The following VEPH1 variants were observed in gnomAD, a reference collection of about 807,000 sequenced individuals.
VEPH1 encodes the protein ventricular zone expressed PH domain containing 1.
A neutral mutation model predicts 85.2 loss-of-function variants in VEPH1; 80 were observed. That is an observed-to-expected ratio of 0.94 (90% confidence interval 0.78 to 1.13). The LOEUF (loss-of-function observed/expected upper bound fraction) is 1.13, where lower values mean the gene tolerates loss of function less well. VEPH1 is among the 50% of genes most tolerant of loss of function. VEPH1 has a pLI of 0.00. For synonymous variants in VEPH1, 297 were observed against 348.0 expected (o/e 0.85, Z 1.63); for missense variants, 955 against 980.5 (o/e 0.97, Z 0.35).
At chr3:157,486,064 TA>T (rs1454658788) in intron 2 of VEPH1, among the ~76,000 whole-genome samples, 1 of 152,180 alleles carries the variant, frequency 6.6e-6, no homozygotes, top group Admixed American at 6.5e-5. Context: ...AATGCAAACT[TA>T]TTGAGGATAT....
At chr3:157,303,452 A>T (rs911598361) in intron 11 of VEPH1, among the ~76,000 whole-genome samples, 1 of 152,180 alleles carries the variant, frequency 6.6e-6, no homozygotes, top group Non-Finnish European at 1.5e-5. Flanking sequence ...ACTTAGAGTC[A>T]TATTTACCAT....
intron 4 of VEPH1, among the ~76,000 whole-genome samples, chr3:157,435,848 G>A (rs1338745602): frequency 1.3e-5 from 2 of 152,094 alleles, no homozygotes; most frequent in African/African-American, 2.4e-5. Flanking sequence ...TCCTTGCCTC[G>A]AAACCTTGTA....
chr3:157,336,930 C>G (rs991173250), intron 9 of VEPH1, among the ~76,000 whole-genome samples: 2 of 152,090 alleles, frequency 1.3e-5, no homozygotes, highest in Admixed American at 1.3e-4. Context: ...ACTACTTGGA[C>G]TTTTATATGG....
At chr3:157,272,372 TTCTTTTC>T (rs1714749609) in intron 12 of VEPH1, among the ~76,000 whole-genome samples, 1 of 119,708 alleles carries the variant, frequency 8.4e-6, no homozygotes, top group South Asian at 2.8e-4. Context: ...TTCTTTCTCT[TTCTTTTC>T]TTTCTTTCTT....
intron 11 of VEPH1, among the ~76,000 whole-genome samples, chr3:157,302,525 A>G (rs1416477649): frequency 1.3e-5 from 2 of 152,212 alleles, no homozygotes; most frequent in Non-Finnish European, 1.5e-5. Context: ...CCCTTCAACC[A>G]CGTGAGGACA....
At chr3:157,270,003 G>C (rs963730535) in intron 12 of VEPH1, among the ~76,000 whole-genome samples, 1 of 151,658 alleles carries the variant, frequency 6.6e-6, no homozygotes, top group Non-Finnish European at 1.5e-5. Context: ...TGCTTTGGGA[G>C]GCCGAGACAG....
At chr3:157,389,535 T>C (rs924110956) in intron 6 of VEPH1, among the ~76,000 whole-genome samples, 1 of 152,152 alleles carries the variant, frequency 6.6e-6, no homozygotes, top group Non-Finnish European at 1.5e-5. Context: ...AATACTATAG[T>C]GCTTTCAAAG....
At chr3:157,492,090 C>T (rs1028280812) in intron 2 of VEPH1, among the ~76,000 whole-genome samples, 5 of 152,066 alleles carry the variant, frequency 3.3e-5, no homozygotes, top group African/African-American at 9.7e-5. Flanking sequence ...AAAGTCCACT[C>T]ATATGAGTGG....
chr3:157,385,668 A>G (rs988150552), intron 6 of VEPH1, among the ~76,000 whole-genome samples: 3 of 152,240 alleles, frequency 2.0e-5, no homozygotes, highest in African/African-American at 4.8e-5. Context: ...ATCTGGCCTC[A>G]TAAAGATTTG....
chr3:157,442,396 G>T, intron 4 of VEPH1: 2 of 1,612,872 alleles, frequency 1.2e-6, no homozygotes, highest in South Asian at 1.1e-5. Flanking sequence ...TTCCCAATGC[G>T]TTCCAAGAAG....
chr3:157,336,224 G>C (rs1035249410), intron 9 of VEPH1, among the ~76,000 whole-genome samples: 1 of 152,162 alleles, frequency 6.6e-6, no homozygotes, highest in Non-Finnish European at 1.5e-5. Context: ...TCTTGTCTAA[G>C]TCGTCTGAAT....
chr3:157,370,037 C>T (rs1300322907), intron 7 of VEPH1, among the ~76,000 whole-genome samples: 2 of 152,166 alleles, frequency 1.3e-5, no homozygotes, highest in African/African-American at 4.8e-5. Context: ...CTATAATCCC[C>T]TAAATATTAA....
chr3:157,398,596 TGCATTCCA>T (rs1363817474), intron 6 of VEPH1, among the ~76,000 whole-genome samples: 1 of 150,586 alleles, frequency 6.6e-6, no homozygotes, highest in Non-Finnish European at 1.5e-5. Context: ...ATCACGCCAC[TGCATTCCA>T]GCCTGGCAAC....
In VEPH1 at chr3:157,503,375, C is replaced by G. The variant is rs1740260394; in HGVS notation, c.-256G>C. On this transcript the variant is annotated 5_prime_UTR_variant, in exon 1 of 14. Transcript: ENST00000362010. ...ACCCATGACCATGCTCAGAGGCAGC[C>G]TTGCAGCTGCTGCCCAGTCCTGTGG... is the stretch of plus-strand genomic sequence containing the variant. The G allele has an allele frequency of 6.6e-6, 1 of 152,208 alleles. No individual in the cohort carries two copies. The highest frequency in any genetic ancestry group is 2.4e-5 in the African/African-American group (1 of 41,446). 9.4% of individuals were successfully genotyped at this position (152,208 alleles called of 1,614,324 possible). A position where few individuals can be genotyped will look rare whatever the true frequency, so the allele number is the denominator to read the frequency against.
At chr3:157,463,082 T>C (rs982178288) in intron 3 of VEPH1, among the ~76,000 whole-genome samples, 3 of 152,186 alleles carry the variant, frequency 2.0e-5, no homozygotes, top group Admixed American at 2.0e-4. Context: ...GTAATATCAT[T>C]TGAGCCCAAT....
chr3:157,390,452 CTT>C (rs779696190), intron 6 of VEPH1, among the ~76,000 whole-genome samples: 12 of 152,234 alleles, frequency 7.9e-5, no homozygotes, highest in Admixed American at 3.9e-4. Context: ...GATATTGAAA[CTT>C]GTTTTATTTT....
intron 6 of VEPH1, among the ~76,000 whole-genome samples, chr3:157,403,898 C>G (rs1379241026): frequency 6.6e-6 from 1 of 152,026 alleles, no homozygotes; most frequent in Non-Finnish European, 1.5e-5. Context: ...TCCTCAGGAG[C>G]AGTACTACTT....
At chr3:157,315,447 A>G (rs962692488) in intron 10 of VEPH1, among the ~76,000 whole-genome samples, 3 of 152,122 alleles carry the variant, frequency 2.0e-5, no homozygotes, top group African/African-American at 4.8e-5. Flanking sequence ...TGAATCATCA[A>G]TCTAAACAGG....
chr3:157,493,194 G>T (rs951401970), intron 2 of VEPH1: 2 of 452,106 alleles, frequency 4.4e-6, no homozygotes, highest in Non-Finnish European at 4.4e-6. Flanking sequence ...CACCATATTC[G>T]CATCATTGCA....
Sources: gnomAD v4.1 joint callset for allele counts (sites outside exome capture counted in the v4.1 genomes callset) on GRCh38, gnomAD v4.1.1 for gene constraint, MANE v1.5 for transcripts, NCBI Gene and HGNC (gene_info 2026-07-23, HGNC 2026-07-21) for gene names.